Variants in ZNF366 observed in about 807,000 individuals in gnomAD.
The protein encoded by ZNF366 is dendritic cell-specific transcript protein.
ZNF366 carries 20 observed loss-of-function variants against 47.2 expected under a neutral mutation model. The ratio of observed to expected loss-of-function variants is 0.42; its 90% CI spans 0.30 to 0.62. ZNF366 has a LOEUF of 0.62. Ranked by LOEUF, ZNF366 falls within the 20% of genes least tolerant of loss-of-function variation. The probability of loss-of-function intolerance (pLI) is 0.16; values close to 1 mark genes in which losing one functional copy is unlikely to be tolerated. For missense variants in ZNF366, 987 were observed against 976.3 expected, an observed-to-expected ratio of 1.01 and a Z score of -0.15; for synonymous variants, 421 against 395.1, an observed-to-expected ratio of 1.07 and a Z score of -0.78.
In ZNF366 at chr5:72,444,226, C is replaced by G; in HGVS notation, c.1765G>C (p.Glu589Gln). 6.2e-7 allele frequency: 1 copy of G among 1,613,486 alleles called. No individual in the cohort carries two copies. Residue 589 changes from glutamate to glutamine, a missense_variant, in exon 5 of 5, where the codon GAG becomes CAG. Physicochemically the swap from Glu to Gln is conservative, Grantham distance 29. Around this residue, in one of 3 missense-constraint regions of ZNF366, gnomAD observed 285 missense variants for 234.8 expected, o/e 1.21. Transcript: ENST00000318442. ...CGCTTCTGAGAGAGGTCAAAGGGCT[C>G]CTCCTGCTCCAGACTCCTCAGGACA... ...AGVLRSLEQEEPFDLSQKRRA... is the reference protein window; with the variant it reads ...AGVLRSLEQEQPFDLSQKRRA...
rs144490986 is a variant in ZNF366 at position 72,447,261 on chromosome 5, G to C, written c.1681C>G (p.Arg561Gly). 4.3e-6 allele frequency: 7 copies of C among 1,614,040 alleles called. No homozygotes were observed. The highest frequency in any genetic ancestry group is 1.3e-5 in the African/African-American group (1 of 74,910). The change falls in exon 4 of 5, where the codon CGG (arginine) becomes GGG (glycine). Residue 561 changes from arginine (R) to glycine (G), a missense_variant. Around this residue, in one of 3 missense-constraint regions of ZNF366, gnomAD observed 285 missense variants for 234.8 expected, o/e 1.21. Transcript: ENST00000318442. Reference sequence around the variant, plus strand: ...TGATTACCTTGGGAATGAAGGCCCCGCTCCATGACTCCATGCTTGACTTTC... The same window carrying C: ...TGATTACCTTGGGAATGAAGGCCCCCCTCCATGACTCCATGCTTGACTTTC... ...HMKVKHGVME[R>G]GLHSQGLGRG...
chr5:72,453,231 C>T (rs1196515576), intron 3 of ZNF366, among the ~76,000 whole-genome samples: 1 of 152,120 alleles, frequency 6.6e-6, no homozygotes, highest in Non-Finnish European at 1.5e-5. Context: ...GAGAATCCCC[C>T]AAAATTAGAC....
chr5:72,502,405 T>G (rs1006896685), intron 1 of ZNF366, among the ~76,000 whole-genome samples: 1 of 152,254 alleles, frequency 6.6e-6, no homozygotes, highest in African/African-American at 2.4e-5. Context: ...GCTGTCTCTA[T>G]GTTCCTGTCA....
At chr5:72,456,348 C>G (rs1407611634) in intron 3 of ZNF366, 56 bp downstream of exon 3, 1 of 1,536,094 alleles carries the variant, frequency 6.5e-7, no homozygotes, top group Non-Finnish European at 8.8e-7. Flanking sequence ...CCTGGGGACC[C>G]TTTCCCATCA....
intron 1 of ZNF366, among the ~76,000 whole-genome samples, chr5:72,474,783 C>A (rs1422735212): frequency 1.3e-5 from 2 of 152,096 alleles, no homozygotes. Flanking sequence ...CCCTTAGCAA[C>A]CTTACTGGAA....
chr5:72,446,995 TG>T (rs963639427), intron 4 of ZNF366, among the ~76,000 whole-genome samples: 6 of 152,192 alleles, frequency 3.9e-5, no homozygotes, highest in African/African-American at 1.4e-4. Context: ...ATGTAGTGTC[TG>T]GAACAAAGGA....
chr5:72,466,047 T>C (rs559150283), intron 1 of ZNF366, among the ~76,000 whole-genome samples: 5 of 152,164 alleles, frequency 3.3e-5, no homozygotes, highest in South Asian at 4.1e-4. Context: ...GATCAGTGGT[T>C]TGATGCTGTC....
intron 1 of ZNF366, among the ~76,000 whole-genome samples, chr5:72,499,611 G>T (rs981784439): frequency 2.0e-5 from 3 of 150,194 alleles, no homozygotes; most frequent in African/African-American, 7.4e-5. Context: ...AATGCTAGAA[G>T]ACCCTTCTTT....
intron 1 of ZNF366, among the ~76,000 whole-genome samples, chr5:72,467,384 C>G (rs1041698870): frequency 6.6e-6 from 1 of 152,180 alleles, no homozygotes; most frequent in Non-Finnish European, 1.5e-5. Context: ...AAAACCAAAA[C>G]CTCCTCTTTG....
chr5:72,464,343 C>T (rs1020537656), intron 1 of ZNF366, among the ~76,000 whole-genome samples: 11 of 152,092 alleles, frequency 7.2e-5, no homozygotes, highest in Admixed American at 2.0e-4. Flanking sequence ...AATTGTGAAA[C>T]GGAAGTTATT....
intron 1 of ZNF366, among the ~76,000 whole-genome samples, chr5:72,466,453 A>G (rs1408041028): frequency 1.3e-5 from 2 of 152,228 alleles, no homozygotes; most frequent in Non-Finnish European, 2.9e-5. Context: ...CTTCCTAGGG[A>G]CAGGAGGACC....
chr5:72,444,109 C>T lies in ZNF366; in HGVS notation c.1882G>A (p.Val628Met), dbSNP rs775809451. ...EEEEEDNCYE[V>M]EPYSPGLAPQ... is the part of the protein sequence containing the mutation. ...GCCAGGCCAGGGCTGTAGGGCTCCA[C>T]CTCGTAGCAGTTATCCTCCTCTTCC... is the stretch of plus-strand genomic sequence containing the variant. The change falls in exon 5 of 5, where the codon GTG becomes ATG. Residue 628 changes from valine (V) to methionine (M), a missense_variant. Transcript: ENST00000318442. 3.1e-6 allele frequency: 5 copies of T among 1,613,952 alleles called. No homozygotes were observed. Among genetic ancestry groups the T allele is most frequent in the Middle Eastern group, 1.6e-4 (1 of 6,084 alleles).
At chr5:72,472,476 G>T in intron 1 of ZNF366, 1 of 879,868 alleles carries the variant, frequency 1.1e-6, no homozygotes, top group Non-Finnish European at 1.4e-6. Context: ...CAGTGCCACA[G>T]CCTTCCCTAC....
intron 1 of ZNF366, among the ~76,000 whole-genome samples, chr5:72,471,024 G>T (rs1457755413): frequency 6.6e-6 from 1 of 152,232 alleles, no homozygotes; most frequent in Non-Finnish European, 1.5e-5. Context: ...GTCTCTCAGT[G>T]AGTATGCAAC....
chr5:72,452,480 C>A (rs1345465551), intron 3 of ZNF366, among the ~76,000 whole-genome samples: 3 of 152,158 alleles, frequency 2.0e-5, no homozygotes, highest in Non-Finnish European at 4.4e-5. Flanking sequence ...CTGCCTTAAC[C>A]CCCTCCATGC....
At chr5:72,461,743 T>C (rs368448333) in intron 1 of ZNF366, among the ~76,000 whole-genome samples, 4 of 152,138 alleles carry the variant, frequency 2.6e-5, no homozygotes, top group African/African-American at 7.2e-5. Context: ...CTGAATCAAA[T>C]TGGGCTCCAG....
intron 1 of ZNF366, among the ~76,000 whole-genome samples, chr5:72,496,258 A>T (rs1744109663): frequency 6.6e-6 from 1 of 152,180 alleles, no homozygotes; most frequent in Non-Finnish European, 1.5e-5. Context: ...AAGTTCCATT[A>T]TGTCCATTAG....
rs932082766 is a variant in ZNF366 at position 72,483,485 on chromosome 5, G to A, written c.-14-21975C>T. Among the ~76,000 whole-genome samples the A allele has an allele frequency of 2.6e-5, 4 of 152,084 alleles. No homozygotes were observed. In the East Asian group the frequency reaches 7.7e-4, roughly 29 times the overall value. ...ATCCTTCCTCAGATAGCCCCTACCTGTCTCTGTGGCATGTAGCTTCCACAA... is the reference window on the plus strand; with the variant it reads ...ATCCTTCCTCAGATAGCCCCTACCTATCTCTGTGGCATGTAGCTTCCACAA... On this transcript the variant is annotated intron_variant, in intron 1 of 4. Coordinates refer to ENST00000318442, the MANE Select transcript of ZNF366 (RefSeq NM_152625.3).
intron 1 of ZNF366, among the ~76,000 whole-genome samples, chr5:72,462,126 A>G (rs4703902): frequency 0.35 from 53,662 of 152,068 alleles, 9,498 homozygotes; most frequent in East Asian, 0.44. Flanking sequence ...CTTAACTCAG[A>G]TCTAATCGTT....
Sources: allele counts gnomAD v4.1 joint callset (sites outside exome capture counted in the v4.1 genomes callset), GRCh38; gene constraint gnomAD v4.1.1; regional missense constraint gnomAD v4.1.1; transcripts MANE v1.5; gene names NCBI Gene and HGNC (gene_info 2026-07-23, HGNC 2026-07-21).